The following HIVEP3 variants were observed in gnomAD, a reference collection of about 807,000 sequenced individuals.
HIVEP3 encodes transcription factor HIVEP3.
HIVEP3 carries 49 observed loss-of-function variants against 152.8 expected under a neutral mutation model. That is an observed-to-expected ratio of 0.32 (90% confidence interval 0.26 to 0.41). The LOEUF is 0.41. Among genes scored for constraint, HIVEP3 ranks in the 10% least tolerant of loss-of-function variants. The pLI is 1.00. For synonymous variants in HIVEP3, 1,269 were observed against 1,289.0 expected (o/e 0.98, Z 0.33); for missense variants, 2,790 against 3,103.3 (o/e 0.90, Z 2.40).
chr1:41,628,421 C>T (rs1645148079), intron 3 of HIVEP3, among the ~76,000 whole-genome samples: 1 of 152,098 alleles, frequency 6.6e-6, no homozygotes, highest in African/African-American at 2.4e-5. Flanking sequence ...GGCTGTGGCC[C>T]CTGGAGAGGG....
At chr1:41,670,974 A>G (rs1645866568) in intron 2 of HIVEP3, among the ~76,000 whole-genome samples, 1 of 152,198 alleles carries the variant, frequency 6.6e-6, no homozygotes, top group Non-Finnish European at 1.5e-5. Context: ...GAGCCAGAGG[A>G]TGCCTGAATG....
At chr1:41,735,731 C>A (rs1327397489) in intron 1 of HIVEP3, among the ~76,000 whole-genome samples, 2 of 152,134 alleles carry the variant, frequency 1.3e-5, no homozygotes, top group Non-Finnish European at 2.9e-5. Context: ...CCATGACAGG[C>A]GGATGGAGGA....
intron 1 of HIVEP3, among the ~76,000 whole-genome samples, chr1:41,718,815 C>T (rs780929114): frequency 6.6e-5 from 10 of 152,002 alleles, no homozygotes; most frequent in Non-Finnish European, 1.0e-4. Flanking sequence ...CACACACACA[C>T]GTATGTGCTG....
At chr1:41,571,522 A>G (rs1159768801) in intron 5 of HIVEP3, among the ~76,000 whole-genome samples, 1 of 152,192 alleles carries the variant, frequency 6.6e-6, no homozygotes, top group Non-Finnish European at 1.5e-5. Context: ...GTGCCAGGAA[A>G]CTAGTGCAAT....
intron 2 of HIVEP3, among the ~76,000 whole-genome samples, chr1:41,689,025 T>TA (rs1558181974): frequency 6.6e-6 from 1 of 151,956 alleles, no homozygotes; most frequent in Non-Finnish European, 1.5e-5. Flanking sequence ...TTCCAACTTC[T>TA]AAAAAAAATC....
intron 5 of HIVEP3, among the ~76,000 whole-genome samples, chr1:41,544,921 CCACCACCAT>C (rs1201366282): frequency 4.0e-5 from 5 of 125,056 alleles, no homozygotes; most frequent in Non-Finnish European, 8.7e-5. Context: ...ACCACCTCTA[CCACCACCAT>C]CACCACCACC....
intron 1 of HIVEP3, among the ~76,000 whole-genome samples, chr1:41,965,601 G>A (rs6663065): frequency 0.011 from 1,657 of 152,212 alleles, 31 homozygotes; most frequent in African/African-American, 0.038. Flanking sequence ...ATCAATAGCC[G>A]AACAGACCAA....
intron 1 of HIVEP3, among the ~76,000 whole-genome samples, chr1:41,839,754 T>C (rs1643232161): frequency 1.3e-5 from 2 of 152,120 alleles, no homozygotes; most frequent in South Asian, 4.1e-4. Context: ...TCACAGAGGA[T>C]TTTTCCTAAT....
intron 1 of HIVEP3, among the ~76,000 whole-genome samples, chr1:41,707,779 T>C (rs949435575): frequency 3.3e-5 from 5 of 152,184 alleles, no homozygotes; most frequent in African/African-American, 1.2e-4. Flanking sequence ...ATGAAAGCCA[T>C]ATATGATAGA....
Position 41,582,744 on chromosome 1 carries a change from G to C in HIVEP3, c.2054C>G (p.Ala685Gly). 6.2e-7 allele frequency: 1 copy of C among 1,614,170 alleles called. No individual in the cohort carries two copies. Among genetic ancestry groups the C allele is most frequent in the Non-Finnish European group, 8.5e-7 (1 of 1,180,020 alleles). The change falls in exon 4 of 9, where the codon GCT (alanine) becomes GGT (glycine). Residue 685 changes from alanine to glycine, a missense_variant. Ala to Gly is a moderately conservative substitution (Grantham distance 60). This residue lies in a region of HIVEP3 where 339 missense variants were observed against 327.0 expected (regional missense o/e 1.04). Transcript: ENST00000372583. The surrounding 1 kb of genome is among the most constrained non-coding windows in gnomAD (Gnocchi z 4.7). ...ISAGTHTSPE[A>G]EKSQIEHEPW... is the part of the protein sequence containing the mutation. ...CTCATGCTCAATCTGACTCTTTTCAGCTTCTGGAGATGTGTGGGTGCCTGC... is the reference window on the plus strand; with the variant it reads ...CTCATGCTCAATCTGACTCTTTTCACCTTCTGGAGATGTGTGGGTGCCTGC...
chr1:41,570,049 C>A (rs1644229067), intron 5 of HIVEP3, among the ~76,000 whole-genome samples: 1 of 152,178 alleles, frequency 6.6e-6, no homozygotes, highest in Admixed American at 6.5e-5. Context: ...GATGCATGAC[C>A]CGGAGTTCAG....
intron 1 of HIVEP3, among the ~76,000 whole-genome samples, chr1:41,820,449 G>C (rs1321107279): frequency 6.6e-6 from 1 of 152,118 alleles, no homozygotes; most frequent in African/African-American, 2.4e-5. Flanking sequence ...TGTCCCCATA[G>C]ACTTTACTAA....
At chr1:41,788,967 G>A (rs1479893071) in intron 1 of HIVEP3, among the ~76,000 whole-genome samples, 1 of 152,198 alleles carries the variant, frequency 6.6e-6, no homozygotes, top group African/African-American at 2.4e-5. Context: ...TGGAACGTGA[G>A]AGCGAAAGCC....
At chr1:41,630,301 G>A (rs1645175943) in intron 2 of HIVEP3, among the ~76,000 whole-genome samples, 1 of 152,282 alleles carries the variant, frequency 6.6e-6, no homozygotes, top group East Asian at 1.9e-4. Flanking sequence ...GGAGGGACAA[G>A]GGCTGAAAAA....
At chr1:42,003,786 C>CAAAAAAA (rs112079993) in intron 1 of HIVEP3, among the ~76,000 whole-genome samples, 1 of 104,222 alleles carries the variant, frequency 9.6e-6, no homozygotes, top group African/African-American at 3.5e-5. Flanking sequence ...CTTTTTAGGG[C>CAAAAAAA]AAAAAAAAAA....
chr1:41,560,306 A>T (rs1018353837), intron 5 of HIVEP3, among the ~76,000 whole-genome samples: 2 of 152,060 alleles, frequency 1.3e-5, no homozygotes, highest in African/African-American at 2.4e-5. Context: ...CAGGATTTGA[A>T]CCCAGGTGTG....
At chr1:41,826,466 T>C (rs1642806805) in intron 1 of HIVEP3, among the ~76,000 whole-genome samples, 1 of 152,108 alleles carries the variant, frequency 6.6e-6, no homozygotes. Context: ...CAGGCTGGAG[T>C]GCAATGGCAC....
intron 7 of HIVEP3, among the ~76,000 whole-genome samples, chr1:41,516,252 C>T (rs894419210): frequency 6.7e-6 from 1 of 148,796 alleles, no homozygotes; most frequent in African/African-American, 2.5e-5. Context: ...CGGCGGGCGC[C>T]GCTGGGAGAG....
At chr1:41,801,710 C>T (rs1024914432) in intron 1 of HIVEP3, among the ~76,000 whole-genome samples, 5 of 151,854 alleles carry the variant, frequency 3.3e-5, no homozygotes, top group Admixed American at 1.3e-4. Flanking sequence ...CGCCACTGCA[C>T]TCCGGCCTGG....
Sources: allele counts gnomAD v4.1 joint callset (sites outside exome capture counted in the v4.1 genomes callset), GRCh38; gene constraint gnomAD v4.1.1; regional missense constraint gnomAD v4.1.1; non-coding constraint Gnocchi (gnomAD v3.1); transcripts MANE v1.5; gene names NCBI Gene and HGNC (gene_info 2026-07-23, HGNC 2026-07-21).